USP7: variants seen among roughly 807,000 people sequenced by gnomAD.
The protein encoded by USP7 is ubiquitin specific peptidase 7.
In USP7, 9 loss-of-function variants were observed where a neutral mutation model predicts 162.9. That is an observed-to-expected ratio of 0.06 (90% CI 0.03 to 0.10). The LOEUF (loss-of-function observed/expected upper bound fraction) is 0.10, where lower values mean the gene tolerates loss of function less well. Ranked by LOEUF, USP7 falls within the 10% of genes least tolerant of loss-of-function variation. The pLI, the probability that USP7 is intolerant of heterozygous loss-of-function variation, is 1.00. For missense variants in USP7, 715 were observed against 1,373.7 expected, an observed-to-expected ratio of 0.52 and a Z score of 7.58; for synonymous variants, 562 against 475.9, an observed-to-expected ratio of 1.18 and a Z score of -2.35.
intron 1 of USP7, among the ~76,000 whole-genome samples, chr16:8,958,314 T>C (rs1899888213): frequency 6.6e-6 from 1 of 152,208 alleles, no homozygotes; most frequent in African/African-American, 2.4e-5. Context: ...TCTGTCCTGT[T>C]TGTGCCCACA....
At chr16:8,934,944 G>C (rs1020804662) in intron 1 of USP7, among the ~76,000 whole-genome samples, 3 of 151,338 alleles carry the variant, frequency 2.0e-5, no homozygotes, top group Admixed American at 2.0e-4. Flanking sequence ...ATTAAGACAT[G>C]GTAAATCCCT....
chr16:8,900,293 G>A (rs962191006), intron 21 of USP7, among the ~76,000 whole-genome samples: 6 of 152,168 alleles, frequency 3.9e-5, no homozygotes, highest in Non-Finnish European at 7.3e-5. Flanking sequence ...ACTAATAGTT[G>A]CCACGTGCAC....
rs536842016 is a variant in USP7 at position 8,943,538 on chromosome 16, G to A, written c.80-13141C>T. Among the ~76,000 whole-genome samples, 16 of 151,772 alleles carry A rather than the reference G, an allele frequency of 1.1e-4. No individual in the cohort carries two copies. The South Asian group carries it at 2.1e-3, about 20-fold the overall frequency. On this transcript the variant is annotated intron_variant, in intron 1 of 30. Coordinates refer to ENST00000344836, the MANE Select transcript of USP7 (RefSeq NM_003470.3). ...CGAGAATGCAGGGCCCCAATGCCAT[G>A]AGAAACACAAACGACTAACCAACAG...
At chr16:8,928,045 C>T (rs532095792) in intron 2 of USP7, among the ~76,000 whole-genome samples, 1 of 152,296 alleles carries the variant, frequency 6.6e-6, no homozygotes, top group East Asian at 1.9e-4. Context: ...GAATAAGGAA[C>T]TAAAAGTAGA....
chr16:8,903,159 G>A (rs2061804360), intron 16 of USP7, 109 bp downstream of exon 16: 1 of 1,422,614 alleles, frequency 7.0e-7, no homozygotes, highest in Non-Finnish European at 9.5e-7. Flanking sequence ...GTTAGGCAGT[G>A]GCTGGACACA....
Position 8,952,794 on chromosome 16 carries a change from A to G in USP7, c.79+10413T>C, listed in dbSNP as rs117470077. Reference sequence around the variant, plus strand: ...TAGTCACAGAGTCTGGCAGTTCCCAAACTCATCCTGCTATTCCACCCCTCC... The same window carrying G: ...TAGTCACAGAGTCTGGCAGTTCCCAGACTCATCCTGCTATTCCACCCCTCC... On this transcript the variant is annotated intron_variant, in intron 1 of 30. Coordinates refer to ENST00000344836, the MANE Select transcript of USP7 (RefSeq NM_003470.3). Among the ~76,000 whole-genome samples the G allele has an allele frequency of 8.9e-3, 1,351 of 151,604 alleles. 9 individuals are homozygous for G. The highest frequency in any genetic ancestry group is 0.012 in the Non-Finnish European group (837 of 67,922).
At chr16:8,933,783 T>A (rs981667776) in intron 1 of USP7, among the ~76,000 whole-genome samples, 1 of 144,306 alleles carries the variant, frequency 6.9e-6, no homozygotes, top group Admixed American at 7.2e-5. Flanking sequence ...TGAGATGGAG[T>A]CTTCCTCTAT....
intron 22 of USP7, 82 bp from the exon 23 acceptor site, chr16:8,899,270 T>C: frequency 5.1e-6 from 7 of 1,376,308 alleles, no homozygotes; most frequent in Non-Finnish European, 7.2e-6. Context: ...ACTTAAAATG[T>C]GCCATGAGCA....
intron 1 of USP7, among the ~76,000 whole-genome samples, chr16:8,962,297 C>G (rs1224410282): frequency 6.6e-6 from 1 of 152,186 alleles, no homozygotes; most frequent in African/African-American, 2.4e-5. Flanking sequence ...ACCATTTGGA[C>G]TTTGCTTTGT....
At chr16:8,904,097 C>T (rs1251249550) in intron 15 of USP7, among the ~76,000 whole-genome samples, 3 of 152,272 alleles carry the variant, frequency 2.0e-5, no homozygotes, top group Non-Finnish European at 2.9e-5. Context: ...TGGCTCTGCC[C>T]GCCACCAACA....
In USP7 at chr16:8,895,753, G is replaced by C. The variant is rs776332059; in HGVS notation, c.2820-12C>G. ...CAATTTCTAGCAGCCTGAACAGAGA[G>C]GAAAAAAAAATAGGGCAAAATGAAG... On this transcript the variant is annotated splice_polypyrimidine_tract_variant and intron_variant, in intron 26 of 30. Transcript: ENST00000344836. 1.3e-6 allele frequency: 2 copies of C among 1,573,236 alleles called. No homozygotes were observed. Among genetic ancestry groups the C allele is most frequent in the South Asian group, 2.3e-5 (2 of 85,418 alleles).
intron 1 of USP7, among the ~76,000 whole-genome samples, chr16:8,956,656 G>T (rs28727382): frequency 6.6e-6 from 1 of 151,848 alleles, no homozygotes; most frequent in African/African-American, 2.4e-5. Flanking sequence ...CCAGCTACTC[G>T]GGAGGCTGAG....
rs375140436 is a variant in USP7 at position 8,906,471 on chromosome 16, A to G, written c.1383T>C (p.His461=). The stretch of plus-strand genomic sequence containing the variant: ...TTAGATAAACCACATAATGTCCACC[A>G]TGATTATCTCCACTATGAACCAGGA... ...HAVLVHSGDN[H]GGHYVVYLNP... Residue 461 remains histidine (H), a synonymous_variant, in exon 13 of 31, where the codon CAT becomes CAC. Coordinates refer to ENST00000344836, the MANE Select transcript of USP7 (RefSeq NM_003470.3). 3 of 1,612,452 alleles carry G rather than the reference A, an allele frequency of 1.9e-6. No individual in the cohort carries two copies. Among genetic ancestry groups the G allele is most frequent in the Non-Finnish European group, 2.5e-6 (3 of 1,180,040 alleles).
chr16:8,945,125 G>A (rs183447342), intron 1 of USP7, among the ~76,000 whole-genome samples: 10 of 152,162 alleles, frequency 6.6e-5, no homozygotes, highest in South Asian at 2.1e-4. Flanking sequence ...GTGTGGTGGC[G>A]GGCGCCTGTA....
At chr16:8,934,876 T>A (rs569659604) in intron 1 of USP7, among the ~76,000 whole-genome samples, 1 of 152,176 alleles carries the variant, frequency 6.6e-6, no homozygotes, top group African/African-American at 2.4e-5. Context: ...GGGCAGGAGA[T>A]CCCGTTTTTA....
At chr16:8,953,071 G>T (rs1219263286) in intron 1 of USP7, among the ~76,000 whole-genome samples, 1 of 152,010 alleles carries the variant, frequency 6.6e-6, no homozygotes, top group African/African-American at 2.4e-5. Flanking sequence ...CCCTGACCTC[G>T]TAATCTGTCG....
At position 8,908,513 on chromosome 16, in the gene USP7, G is replaced by C. The variant is rs148938991; in HGVS notation, c.1162-63C>G. 1,240 of 1,413,262 alleles carry C rather than the reference G, an allele frequency of 8.8e-4. 10 individuals are homozygous for C. In the African/African-American group the frequency reaches 0.016, roughly 18 times the overall value. The allele number at this position is 1,413,262 out of a possible 1,614,324, so 87.5% of individuals were successfully genotyped here. On this transcript the variant is annotated intron_variant, in intron 11 of 30. Coordinates refer to ENST00000344836, the MANE Select transcript of USP7 (RefSeq NM_003470.3). Reference sequence around the variant, plus strand: ...CTACTTACTCCTGGAAGCAATGAAAGCAACAGCGGTTCAGCAAGATTGGAA... The same window carrying C: ...CTACTTACTCCTGGAAGCAATGAAACCAACAGCGGTTCAGCAAGATTGGAA...
At chr16:8,894,968 A>T in intron 28 of USP7, 63 bp downstream of exon 28, 1 of 1,613,376 alleles carries the variant, frequency 6.2e-7, no homozygotes, top group Non-Finnish European at 8.5e-7. Context: ...AGATTCGGCA[A>T]CAGCGGCCAC....
chr16:8,901,735 C>G (rs1185877099), intron 18 of USP7, among the ~76,000 whole-genome samples: 1 of 152,182 alleles, frequency 6.6e-6, no homozygotes, highest in Non-Finnish European at 1.5e-5. Flanking sequence ...TTAGTACAGA[C>G]AGAAAGGCCT....
Sources: allele counts gnomAD v4.1 joint callset (sites outside exome capture counted in the v4.1 genomes callset), GRCh38; gene constraint gnomAD v4.1.1; transcripts MANE v1.5; gene names NCBI Gene and HGNC (gene_info 2026-07-23, HGNC 2026-07-21).